ATAD1: variants seen among roughly 807,000 people sequenced by gnomAD.
ATAD1 encodes outer mitochondrial transmembrane helix translocase.
ATAD1 carries 18 observed loss-of-function variants against 42.7 expected under a neutral mutation model. The ratio of observed to expected loss-of-function variants is 0.42; its 90% confidence interval spans 0.29 to 0.63. ATAD1 has a LOEUF of 0.63. ATAD1 is among the 20% of genes least tolerant of loss of function. The pLI, the probability that ATAD1 is intolerant of heterozygous loss-of-function variation, is 0.19. For missense variants in ATAD1, 294 were observed against 440.4 expected, an observed-to-expected ratio of 0.67 and a Z score of 2.98; for synonymous variants, 132 against 143.1, an observed-to-expected ratio of 0.92 and a Z score of 0.55.
At chr10:87,795,533 T>A (rs1856343636) in intron 2 of ATAD1, among the ~76,000 whole-genome samples, 1 of 150,960 alleles carries the variant, frequency 6.6e-6, no homozygotes. Context: ...ATGAGTTGGA[T>A]GGGGAGTGTG....
At chr10:87,822,143 G>T (rs966311735), upstream of ATAD1, among the ~76,000 whole-genome samples, 13 of 152,182 alleles carry the variant, frequency 8.5e-5, no homozygotes, top group South Asian at 8.3e-4. Flanking sequence ...TAATTCACTT[G>T]ACAATGATTT....
At chr10:87,767,564 G>T in intron 8 of ATAD1, 109 bp downstream of exon 8, 5 of 1,027,828 alleles carry the variant, frequency 4.9e-6, no homozygotes. Context: ...GCAGGGGCTG[G>T]AGATCCTTGG....
chr10:87,813,559 T>C (rs1040743784), intron 2 of ATAD1, among the ~76,000 whole-genome samples: 24 of 152,060 alleles, frequency 1.6e-4, no homozygotes, highest in Admixed American at 1.5e-3. Flanking sequence ...AGGGCTAACA[T>C]TGTAAAACAG....
intron 7 of ATAD1, among the ~76,000 whole-genome samples, chr10:87,769,747 A>G (rs933737632): frequency 4.6e-5 from 7 of 152,078 alleles, no homozygotes; most frequent in African/African-American, 1.4e-4. Flanking sequence ...GGAGTTCGAG[A>G]CCAGCCTGGC....
intron 2 of ATAD1, among the ~76,000 whole-genome samples, chr10:87,808,855 A>T (rs1857049786): frequency 6.6e-6 from 1 of 152,182 alleles, no homozygotes; most frequent in South Asian, 2.1e-4. Flanking sequence ...GAGAGAGAGA[A>T]ATTACAGACT....
chr10:87,818,322 C>T, upstream of ATAD1: 5 of 939,116 alleles, frequency 5.3e-6, no homozygotes, highest in Non-Finnish European at 6.3e-6. Flanking sequence ...GGGCGTGCTC[C>T]CAGGCTTAGA....
chr10:87,779,835 G>A (rs761491880), intron 5 of ATAD1, among the ~76,000 whole-genome samples: 6 of 151,596 alleles, frequency 4.0e-5, no homozygotes, highest in Non-Finnish European at 7.4e-5. Context: ...AAATGCTAGA[G>A]AAGATGTATA....
chr10:87,839,992 T>G (rs17101804), intron 1 of ATAD1, among the ~76,000 whole-genome samples: 8,469 of 152,280 alleles, frequency 0.056, 319 homozygotes, highest in Non-Finnish European at 0.082. Context: ...TTAACTCTGT[T>G]TGAGTCATTT....
rs1189652974 is a variant in ATAD1, at chr10:87,752,623, G to A, written c.*2064C>T. 6.6e-6 allele frequency: 1 copy of A among 152,052 alleles called. No individual in the cohort carries two copies. The highest frequency in any genetic ancestry group is 1.5e-5 in the Non-Finnish European group (1 of 68,006). 9.4% of individuals were successfully genotyped at this position (152,052 alleles called of 1,614,324 possible). Reference sequence around the variant, plus strand: ...AGTACTCTGAAGTATTACCCAAAATGAATTATCTTAGAATCTAGAATTCAA... The same window carrying A: ...AGTACTCTGAAGTATTACCCAAAATAAATTATCTTAGAATCTAGAATTCAA... On this transcript the variant is annotated 3_prime_UTR_variant, in exon 10 of 10. Coordinates refer to ENST00000680024, the MANE Select transcript of ATAD1 (RefSeq NM_001321967.2).
At chr10:87,754,882 TA>T (rs1267430307) in intron 9 of ATAD1, 75 bp from the exon 10 acceptor site, 1 of 1,525,736 alleles carries the variant, frequency 6.6e-7, no homozygotes, top group African/African-American at 1.4e-5. Context: ...TACCAAGATT[TA>T]AAAGAGATGC....
intron 8 of ATAD1, among the ~76,000 whole-genome samples, chr10:87,758,932 A>G (rs1045444593): frequency 1.3e-5 from 2 of 152,190 alleles, no homozygotes; most frequent in African/African-American, 4.8e-5. Flanking sequence ...AGGACCGGTG[A>G]CAGCACCTGT....
chr10:87,815,182 G>T (rs990799201), intron 1 of ATAD1, among the ~76,000 whole-genome samples: 6 of 151,958 alleles, frequency 3.9e-5, no homozygotes, highest in Admixed American at 6.6e-5. Flanking sequence ...CCACACTATT[G>T]TTCCCAACAA....
At chr10:87,786,903 C>A (rs774549829) in intron 4 of ATAD1, among the ~76,000 whole-genome samples, 3 of 151,516 alleles carry the variant, frequency 2.0e-5, no homozygotes, top group African/African-American at 4.9e-5. Flanking sequence ...TGCAGTGAGC[C>A]GAGATTGCGC....
At position 87,771,032 on chromosome 10, in the gene ATAD1, T is replaced by C. The variant is rs770722824; in HGVS notation, c.700A>G (p.Met234Val). ...TCCTGAGGACGATTGGTAGCTCCCATTACTATGACCTAAGTGTATAAAGAA... is the reference window on the plus strand; with the variant it reads ...TCCTGAGGACGATTGGTAGCTCCCACTACTATGACCTAAGTGTATAAAGAA... ...DTDHSCQVIV[M>V]GATNRPQDLD... The change falls in exon 7 of 10, where the codon ATG (methionine) becomes GTG (valine). Residue 234 changes from methionine (M) to valine (V), a missense_variant. Physicochemically the swap from Met to Val is conservative, Grantham distance 21 (BLOSUM62 1). Transcript: ENST00000680024. 6.2e-7 allele frequency: 1 copy of C among 1,612,562 alleles called. No individual in the cohort carries two copies. The highest frequency in any genetic ancestry group is 1.1e-5 in the South Asian group (1 of 90,992).
Position 87,772,948 on chromosome 10 carries a change from A to G in ATAD1, c.691-1907T>C, listed in dbSNP as rs115459669. 7.8e-3 allele frequency among the ~76,000 whole-genome samples: 1,184 copies of G among 152,316 alleles called. 14 individuals are homozygous for G. The highest frequency in any genetic ancestry group is 0.027 in the African/African-American group (1,131 of 41,582). ...GCTCCTTTTATGTGTTAGTTGTTCA[A>G]ACTTTTAAAAAAATCTTTATTTTCT... On this transcript the variant is annotated intron_variant, in intron 6 of 9. Coordinates refer to ENST00000680024, the MANE Select transcript of ATAD1 (RefSeq NM_001321967.2).
At chr10:87,805,034 G>A (rs1564773856) in intron 2 of ATAD1, among the ~76,000 whole-genome samples, 3 of 152,128 alleles carry the variant, frequency 2.0e-5, no homozygotes. Flanking sequence ...TACTGTTTCT[G>A]ATTTGATGCA....
chr10:87,805,078 G>A (rs867555823), intron 2 of ATAD1, among the ~76,000 whole-genome samples: 8 of 152,014 alleles, frequency 5.3e-5, no homozygotes, highest in Non-Finnish European at 1.2e-4. Context: ...TCTCAAAACC[G>A]TATTGCCTTT....
intron 2 of ATAD1, among the ~76,000 whole-genome samples, chr10:87,808,896 G>C (rs548196837): frequency 1.3e-5 from 2 of 152,170 alleles, no homozygotes; most frequent in Non-Finnish European, 2.9e-5. Context: ...AGTTATGCTA[G>C]CCTCACAAAA....
intron 1 of ATAD1, among the ~76,000 whole-genome samples, chr10:87,825,203 C>T (rs1381942480): frequency 6.6e-6 from 1 of 151,790 alleles, no homozygotes; most frequent in Non-Finnish European, 1.5e-5. Flanking sequence ...GTGGATTTTG[C>T]ACAAGAAAAA....
Sources: allele counts gnomAD v4.1 joint callset (sites outside exome capture counted in the v4.1 genomes callset), GRCh38; gene constraint gnomAD v4.1.1; transcripts MANE v1.5; gene names NCBI Gene and HGNC (gene_info 2026-07-23, HGNC 2026-07-21).